Variants in CHD6 observed in about 807,000 individuals in gnomAD.
CHD6 encodes ATP-dependent chromatin remodeler CHD6.
CHD6 carries 50 observed loss-of-function variants against 276.9 expected under a neutral mutation model. The observed-to-expected ratio is 0.18, with a 90% CI of 0.14 to 0.23. The LOEUF is 0.23. Ranked by LOEUF, CHD6 falls within the 10% of genes least tolerant of loss-of-function variation. CHD6 has a pLI of 1.00. For missense variants in CHD6, 2,564 were observed against 3,365.8 expected (o/e 0.76, Z 5.89); for synonymous variants, 1,173 against 1,229.3 (o/e 0.95, Z 0.96).
At position 41,415,075 on chromosome 20, in the gene CHD6, C is replaced by A. The variant is rs2046951793; in HGVS notation, c.6939+111G>T. On this transcript the variant is annotated intron_variant, in intron 34 of 36. Transcript: ENST00000373233. ...TATAATGAGAGAAAATAAAGCAGGACAACCGAAATAGAGATAAAAGATCCA... is the reference window on the plus strand; with the variant it reads ...TATAATGAGAGAAAATAAAGCAGGAAAACCGAAATAGAGATAAAAGATCCA... The A allele has an allele frequency of 1.6e-5, 24 of 1,486,312 alleles. 1 individual carries two copies. In the South Asian group the frequency reaches 3.4e-4, roughly 21 times the overall value. 92.1% of individuals were successfully genotyped at this position (1,486,312 alleles called of 1,614,324 possible).
intron 23 of CHD6, among the ~76,000 whole-genome samples, chr20:41,449,553 A>C (rs1212239911): frequency 6.6e-6 from 1 of 152,232 alleles, no homozygotes; most frequent in African/African-American, 2.4e-5. Flanking sequence ...ACAATTCCTT[A>C]TAGCCAGCCC....
intron 2 of CHD6, among the ~76,000 whole-genome samples, chr20:41,547,250 G>A (rs761843162): frequency 5.9e-5 from 9 of 152,102 alleles, no homozygotes; most frequent in Non-Finnish European, 1.0e-4. Context: ...CCAAGTACTC[G>A]ACGAATTACC....
intron 2 of CHD6, among the ~76,000 whole-genome samples, chr20:41,542,110 C>T (rs1383309739): frequency 6.6e-6 from 1 of 152,156 alleles, no homozygotes; most frequent in Non-Finnish European, 1.5e-5. Context: ...TAGACCAAAA[C>T]CTCACAGTAA....
chr20:41,498,112 A>G (rs764825837), intron 7 of CHD6, 56 bp downstream of exon 7: 15 of 1,216,226 alleles, frequency 1.2e-5, no homozygotes, highest in Non-Finnish European at 1.7e-5. Context: ...TCACAAGAGA[A>G]AAAAAGTTTT....
intron 6 of CHD6, among the ~76,000 whole-genome samples, chr20:41,498,621 T>A (rs982482618): frequency 3.3e-5 from 5 of 152,150 alleles, no homozygotes; most frequent in Admixed American, 6.6e-5. Context: ...AAGTTTACTT[T>A]CATAAATTCT....
intron 1 of CHD6, among the ~76,000 whole-genome samples, chr20:41,551,915 AT>A (rs977234746): frequency 1.3e-5 from 2 of 152,034 alleles, no homozygotes; most frequent in African/African-American, 2.4e-5. Context: ...ATTTCATACG[AT>A]TTTTTTTAAA....
intron 1 of CHD6, among the ~76,000 whole-genome samples, chr20:41,577,595 T>C (rs2045488585): frequency 1.3e-5 from 2 of 152,372 alleles, no homozygotes; most frequent in East Asian, 3.9e-4. Context: ...ACATGTAGTG[T>C]GTGTGTGTCT....
intron 27 of CHD6, 100 bp from the exon 28 acceptor site, chr20:41,426,253 C>T: frequency 2.4e-6 from 2 of 834,974 alleles, no homozygotes; most frequent in South Asian, 1.3e-5. Flanking sequence ...CGCATAAGAG[C>T]TGTCCCCTGC....
At position 41,402,467 on chromosome 20, in the gene CHD6, A is replaced by C. The variant is rs945052463; in HGVS notation, c.*2126T>G. 13 of 230,988 alleles carry C rather than the reference A, an allele frequency of 5.6e-5. No homozygotes were observed. The highest frequency in any genetic ancestry group is 2.0e-4 in the African/African-American group (9 of 45,214). 14.3% of individuals were successfully genotyped at this position (230,988 alleles called of 1,614,324 possible). A position where few individuals can be genotyped will look rare whatever the true frequency, so the allele number is the denominator to read the frequency against. On this transcript the variant is annotated 3_prime_UTR_variant, in exon 37 of 37. Coordinates refer to ENST00000373233, the MANE Select transcript of CHD6 (RefSeq NM_032221.5). ...CACATTGAACCCTGTGACCTACCGG[A>C]GGTTATAAGTGGAACCCGGGGAAAG...
At chr20:41,470,325 C>T (rs2143227) in intron 17 of CHD6, among the ~76,000 whole-genome samples, 66,060 of 151,420 alleles carry the variant, frequency 0.44, 16,705 homozygotes, top group East Asian at 0.7. Flanking sequence ...TTCTCAATTC[C>T]TTCATCTCTA....
intron 1 of CHD6, among the ~76,000 whole-genome samples, chr20:41,578,833 A>C (rs770943503): frequency 6.9e-4 from 104 of 151,436 alleles, no homozygotes; most frequent in Admixed American, 1.2e-3. Flanking sequence ...GCTGGATATC[A>C]ACCTAGACAA....
chr20:41,533,856 A>C (rs555369522), intron 2 of CHD6, among the ~76,000 whole-genome samples: 1 of 152,286 alleles, frequency 6.6e-6, no homozygotes, highest in Admixed American at 6.5e-5. Context: ...ATGATCATCT[A>C]ATCTAGCCAC....
At chr20:41,479,930 C>T (rs904561273) in intron 16 of CHD6, among the ~76,000 whole-genome samples, 1 of 152,146 alleles carries the variant, frequency 6.6e-6, no homozygotes, top group South Asian at 2.1e-4. Context: ...AAGAATCCTA[C>T]AGGCTTCGAA....
intron 1 of CHD6, among the ~76,000 whole-genome samples, chr20:41,567,176 T>A (rs1376278871): frequency 2.0e-5 from 3 of 152,172 alleles, no homozygotes; most frequent in East Asian, 3.9e-4. Context: ...CCTGGTGTGA[T>A]GCGCCATCAG....
intron 1 of CHD6, among the ~76,000 whole-genome samples, chr20:41,557,829 C>T (rs2045257587): frequency 6.6e-6 from 1 of 152,156 alleles, no homozygotes; most frequent in Non-Finnish European, 1.5e-5. Context: ...TGGGAAGCAA[C>T]TCTAAAAATG....
At chr20:41,499,419 C>T in intron 5 of CHD6, 62 bp from the exon 6 acceptor site, 1 of 1,355,518 alleles carries the variant, frequency 7.4e-7, no homozygotes, top group Non-Finnish European at 1.0e-6. Context: ...GAAAACAATT[C>T]TGTAAGAAAT....
intron 14 of CHD6, among the ~76,000 whole-genome samples, chr20:41,485,330 T>C (rs1235993935): frequency 6.6e-6 from 1 of 152,196 alleles, no homozygotes; most frequent in African/African-American, 2.4e-5. Context: ...AAAGTCAAAG[T>C]ACCTGAGTTA....
At chr20:41,563,289 AACAAGGCTTTT>A (rs2045321708) in intron 1 of CHD6, among the ~76,000 whole-genome samples, 1 of 152,242 alleles carries the variant, frequency 6.6e-6, no homozygotes, top group African/African-American at 2.4e-5. Flanking sequence ...GCTGCTGAAT[AACAAGGCTTTT>A]ACTCACTGAA....
At chr20:41,516,616 T>C (rs914542645) in intron 3 of CHD6, among the ~76,000 whole-genome samples, 1 of 152,150 alleles carries the variant, frequency 6.6e-6, no homozygotes. Context: ...GATCATAGCA[T>C]TCTTGGGGAA....
Sources: gnomAD v4.1 joint callset for allele counts (sites outside exome capture counted in the v4.1 genomes callset) on GRCh38, gnomAD v4.1.1 for gene constraint, MANE v1.5 for transcripts, NCBI Gene and HGNC (gene_info 2026-07-23, HGNC 2026-07-21) for gene names.